Variants in ANKS1B observed in about 807,000 individuals in gnomAD.
ANKS1B encodes ankyrin repeat and sterile alpha motif domain containing 1B, also known as ankyrin repeat and sterile alpha motif domain-containing protein 1B.
In ANKS1B, 36 loss-of-function variants were observed where a neutral mutation model predicts 148.3. That is an observed-to-expected ratio of 0.24 (90% CI 0.19 to 0.32). The LOEUF (loss-of-function observed/expected upper bound fraction) is 0.32, where lower values mean the gene tolerates loss of function less well. ANKS1B is among the 10% of genes least tolerant of loss of function. The pLI, the probability that ANKS1B is intolerant of heterozygous loss-of-function variation, is 1.00. For missense variants in ANKS1B, 1,157 were observed against 1,542.6 expected (o/e 0.75, Z 4.19); for synonymous variants, 542 against 560.8 (o/e 0.97, Z 0.47).
chr12:98,817,574 G>A (rs868295220), intron 19 of ANKS1B, among the ~76,000 whole-genome samples: 109 of 152,322 alleles, frequency 7.2e-4, no homozygotes, highest in African/African-American at 2.5e-3. Flanking sequence ...CTCACCTCTT[G>A]AGTGAGTTTT....
At chr12:99,367,832 G>A (rs1016655798) in intron 12 of ANKS1B, among the ~76,000 whole-genome samples, 9 of 151,854 alleles carry the variant, frequency 5.9e-5, no homozygotes, top group African/African-American at 2.2e-4. Context: ...TCTTAAAAAT[G>A]ATAACATAGC....
intron 15 of ANKS1B, among the ~76,000 whole-genome samples, chr12:99,126,014 GA>G (rs1356593016): frequency 6.6e-6 from 1 of 151,620 alleles, no homozygotes; most frequent in African/African-American, 2.4e-5. Context: ...AGAGACTTAA[GA>G]AAAAAAACAC....
At chr12:99,366,678 T>G (rs1340450093) in intron 12 of ANKS1B, among the ~76,000 whole-genome samples, 2 of 152,164 alleles carry the variant, frequency 1.3e-5, no homozygotes, top group Non-Finnish European at 2.9e-5. Flanking sequence ...GAATTCTATC[T>G]TATACATTAT....
intron 14 of ANKS1B, among the ~76,000 whole-genome samples, chr12:99,225,211 A>G (rs748753131): frequency 1.5e-4 from 23 of 152,270 alleles, no homozygotes; most frequent in Non-Finnish European, 2.6e-4. Flanking sequence ...TTTTTATAAA[A>G]TGACCCATGG....
chr12:99,206,409 T>C (rs2082674721), intron 14 of ANKS1B, among the ~76,000 whole-genome samples: 1 of 152,132 alleles, frequency 6.6e-6, no homozygotes, highest in African/African-American at 2.4e-5. Context: ...ATTTAAGATG[T>C]GCATATATCA....
chr12:99,647,436 A>G (rs753300848), intron 9 of ANKS1B, among the ~76,000 whole-genome samples: 15 of 152,228 alleles, frequency 9.9e-5, no homozygotes, highest in Non-Finnish European at 1.8e-4. Context: ...TCTTTAAAAT[A>G]AATGTCTACA....
At chr12:99,566,176 T>C (rs1266560640) in intron 9 of ANKS1B, among the ~76,000 whole-genome samples, 5 of 152,220 alleles carry the variant, frequency 3.3e-5, no homozygotes, top group African/African-American at 1.2e-4. Flanking sequence ...TTCAGTCACG[T>C]AATCCTAATC....
intron 17 of ANKS1B, among the ~76,000 whole-genome samples, chr12:99,024,490 T>G (rs1430161284): frequency 6.6e-6 from 1 of 152,188 alleles, no homozygotes; most frequent in Non-Finnish European, 1.5e-5. Context: ...TAGACCCTTT[T>G]GAGAATTTCT....
At chr12:99,641,897 G>A (rs2098311352) in intron 9 of ANKS1B, among the ~76,000 whole-genome samples, 1 of 151,932 alleles carries the variant, frequency 6.6e-6, no homozygotes, top group Non-Finnish European at 1.5e-5. Flanking sequence ...CATGGAATTT[G>A]GCTCAAACAC....
At chr12:99,570,181 C>T (rs1332616517) in intron 9 of ANKS1B, among the ~76,000 whole-genome samples, 1 of 152,130 alleles carries the variant, frequency 6.6e-6, no homozygotes, top group Non-Finnish European at 1.5e-5. Context: ...CATTTCACCC[C>T]TTCTCAACAT....
intron 9 of ANKS1B, among the ~76,000 whole-genome samples, chr12:99,541,481 C>A (rs968429692): frequency 7.9e-5 from 12 of 152,094 alleles, no homozygotes; most frequent in South Asian, 4.1e-4. Context: ...GAAAAATCAA[C>A]CAATATCATA....
chr12:98,809,747 A>C (rs2099079708), intron 19 of ANKS1B, among the ~76,000 whole-genome samples: 1 of 152,202 alleles, frequency 6.6e-6, no homozygotes, highest in South Asian at 2.1e-4. Context: ...CACCGACTGA[A>C]CGGACCCCCT....
At chr12:99,041,342 AT>A in intron 17 of ANKS1B, among the ~76,000 whole-genome samples, 1 of 152,222 alleles carries the variant, frequency 6.6e-6, no homozygotes, top group Admixed American at 6.5e-5. Context: ...CACGAAAATG[AT>A]TTTTCATTAG....
intron 20 of ANKS1B, among the ~76,000 whole-genome samples, chr12:98,803,106 G>C (rs147049174): frequency 4.7e-4 from 72 of 151,896 alleles, no homozygotes; most frequent in African/African-American, 1.6e-3. Context: ...TTCTTATTTT[G>C]ATTTTTTTTC....
intron 24 of ANKS1B, among the ~76,000 whole-genome samples, chr12:98,780,438 T>C (rs927026975): frequency 6.6e-5 from 10 of 152,194 alleles, no homozygotes; most frequent in African/African-American, 2.4e-4. Flanking sequence ...AAGAAAGGAA[T>C]GCTTTTTCAG....
At chr12:98,828,160 G>A (rs2099265799) in intron 19 of ANKS1B, among the ~76,000 whole-genome samples, 1 of 152,092 alleles carries the variant, frequency 6.6e-6, no homozygotes, top group Admixed American at 6.6e-5. Context: ...AAAATTAAAG[G>A]AGCTGAAAGA....
At chr12:99,828,418 T>G (rs1362420731) in intron 1 of ANKS1B, among the ~76,000 whole-genome samples, 1 of 152,094 alleles carries the variant, frequency 6.6e-6, no homozygotes, top group Non-Finnish European at 1.5e-5. Flanking sequence ...GTCCCAACAC[T>G]ATGAACTCAG....
chr12:99,021,243 T>C (rs906341834), intron 17 of ANKS1B, among the ~76,000 whole-genome samples: 4 of 152,142 alleles, frequency 2.6e-5, no homozygotes, highest in East Asian at 1.9e-4. Flanking sequence ...CTTACACTTA[T>C]TGACTTGGGA....
Position 98,744,513 on chromosome 12 carries a change from T to C in ANKS1B, c.*1226A>G, listed in dbSNP as rs2097841677. Reference sequence around the variant, plus strand: ...AATGATATTGGTACTGTTTATATAATTTGATTCTACATAAATATACATTAT... The same window carrying C: ...AATGATATTGGTACTGTTTATATAACTTGATTCTACATAAATATACATTAT... On this transcript the variant is annotated 3_prime_UTR_variant, in exon 27 of 27. Coordinates refer to ENST00000683438, the MANE Select transcript of ANKS1B (RefSeq NM_001352186.2). The C allele has an allele frequency of 1.7e-6, 1 of 596,394 alleles. No homozygotes were observed. Among genetic ancestry groups the C allele is most frequent in the African/African-American group, 2.0e-5 (1 of 49,858 alleles). The allele number at this position is 596,394 out of a possible 1,614,324, so 36.9% of individuals were successfully genotyped here. A position where few individuals can be genotyped will look rare whatever the true frequency, so the allele number is the denominator to read the frequency against.
Sources: allele counts gnomAD v4.1 joint callset (sites outside exome capture counted in the v4.1 genomes callset), GRCh38; gene constraint gnomAD v4.1.1; transcripts MANE v1.5; gene names NCBI Gene and HGNC (gene_info 2026-07-23, HGNC 2026-07-21).